WDR25: variants seen among roughly 807,000 people sequenced by gnomAD.
The protein encoded by WDR25 is WD repeat domain 25, also known as WD repeat-containing protein 25.
In WDR25, 35 loss-of-function variants were observed where a neutral mutation model predicts 47.7. That is an observed-to-expected ratio of 0.73 (90% CI 0.56 to 0.97). The LOEUF is 0.97. Among genes scored for constraint, WDR25 ranks in the 50% least tolerant of loss-of-function variants. WDR25 has a pLI of 0.00. For synonymous variants in WDR25, 248 were observed against 278.9 expected, an observed-to-expected ratio of 0.89 and a Z score of 1.10; for missense variants, 634 against 704.7, an observed-to-expected ratio of 0.90 and a Z score of 1.14.
At chr14:100,418,766 C>CG (rs148593255) in intron 2 of WDR25, among the ~76,000 whole-genome samples, 8,726 of 147,056 alleles carry the variant, frequency 0.059, 250 homozygotes, top group Middle Eastern at 0.08. Flanking sequence ...GTGGCGGTGG[C>CG]GGGGGGGGGT....
chr14:100,456,706 A>G (rs1334303887), intron 2 of WDR25, among the ~76,000 whole-genome samples: 1 of 152,232 alleles, frequency 6.6e-6, no homozygotes, highest in African/African-American at 2.4e-5. Flanking sequence ...ACAGGGAACA[A>G]AAAGCTTGGG....
chr14:100,473,018 G>A (rs542080404), intron 3 of WDR25, among the ~76,000 whole-genome samples: 1 of 152,344 alleles, frequency 6.6e-6, no homozygotes, highest in Non-Finnish European at 1.5e-5. Flanking sequence ...CTGGGACTGG[G>A]CTCATAAATG....
At chr14:100,423,283 C>T (rs1298565112) in intron 2 of WDR25, among the ~76,000 whole-genome samples, 1 of 152,056 alleles carries the variant, frequency 6.6e-6, no homozygotes, top group East Asian at 1.9e-4. Flanking sequence ...GTTATAATAG[C>T]GTGTGCATGA....
chr14:100,446,008 C>T (rs1194211295), intron 2 of WDR25, among the ~76,000 whole-genome samples: 1 of 152,170 alleles, frequency 6.6e-6, no homozygotes, highest in Non-Finnish European at 1.5e-5. Flanking sequence ...GAGGGTTCAA[C>T]CCAGGATGAC....
intron 4 of WDR25, among the ~76,000 whole-genome samples, chr14:100,512,127 G>A (rs1901330896): frequency 6.6e-6 from 1 of 152,044 alleles, no homozygotes; most frequent in Non-Finnish European, 1.5e-5. Context: ...AACAAATTGG[G>A]AAATGTTCAT....
chr14:100,382,340 G>T (rs1896924477), intron 2 of WDR25, among the ~76,000 whole-genome samples: 1 of 152,176 alleles, frequency 6.6e-6, no homozygotes, highest in Non-Finnish European at 1.5e-5. Context: ...GAAGGGGAAG[G>T]TTCGCTTGGG....
At chr14:100,446,550 CAAAA>C (rs55946078) in intron 2 of WDR25, among the ~76,000 whole-genome samples, 1 of 75,004 alleles carries the variant, frequency 1.3e-5, no homozygotes, top group Non-Finnish European at 2.4e-5. Context: ...GACTCCATCT[CAAAA>C]AAAAAAAAAA....
At position 100,392,662 on chromosome 14, in the gene WDR25, G is replaced by A. The variant is rs955201568; in HGVS notation, c.822+10916G>A. Reference sequence around the variant, plus strand: ...AACATTCTCTCCCAGCCCTGCCCGCGCCACACTGTGCCACCAGCCGCCTCT... The same window carrying A: ...AACATTCTCTCCCAGCCCTGCCCGCACCACACTGTGCCACCAGCCGCCTCT... On this transcript the variant is annotated intron_variant, in intron 2 of 6. Transcript: ENST00000402312. The surrounding 1 kb of genome is among the most constrained non-coding windows in gnomAD (Gnocchi z 4.2). Among the ~76,000 whole-genome samples, 6 of 152,054 alleles carry A rather than the reference G, an allele frequency of 3.9e-5. No individual in the cohort carries two copies. Among genetic ancestry groups the A allele is most frequent in the Non-Finnish European group, 8.8e-5 (6 of 68,032 alleles).
At chr14:100,378,679 C>T (rs534370797) in intron 1 of WDR25, among the ~76,000 whole-genome samples, 1 of 26,098 alleles carries the variant, frequency 3.8e-5, no homozygotes, top group African/African-American at 7.5e-5. Context: ...TCCAGGCAGG[C>T]CGGGCGCGGT....
chr14:100,415,291 C>T (rs780123681), intron 2 of WDR25, among the ~76,000 whole-genome samples: 6 of 152,110 alleles, frequency 3.9e-5, no homozygotes, highest in Non-Finnish European at 8.8e-5. Context: ...AGTTTTATTT[C>T]TAAACTAACC....
chr14:100,409,237 A>G (rs895890357), intron 2 of WDR25, among the ~76,000 whole-genome samples: 3 of 152,136 alleles, frequency 2.0e-5, no homozygotes, highest in Non-Finnish European at 4.4e-5. Context: ...CCAGCCTCTC[A>G]TTTTACAAGT....
At chr14:100,441,485 G>T (rs1898668657) in intron 2 of WDR25, among the ~76,000 whole-genome samples, 1 of 152,170 alleles carries the variant, frequency 6.6e-6, no homozygotes, top group Admixed American at 6.5e-5. Context: ...GCAGATGCTG[G>T]AAGTGGCAGT....
intron 4 of WDR25, among the ~76,000 whole-genome samples, chr14:100,487,281 A>C (rs1411528325): frequency 6.6e-6 from 1 of 152,214 alleles, no homozygotes; most frequent in Non-Finnish European, 1.5e-5. Flanking sequence ...TGCATTAGAC[A>C]TGTAGGAGAT....
rs1249024731 is a variant in WDR25 at position 100,529,146 on chromosome 14, G to A, written c.1351G>A (p.Ala451Thr). Reference protein sequence around the residue: ...FLAQTNGNYLALFSTVWPYRM... With the variant: ...FLAQTNGNYLTLFSTVWPYRM... ...GGCACAGACCAATGGCAACTACCTG[G>A]CCCTTTTCTCCACTGTGTGGCCCTA... The change falls in exon 6 of 7, where the codon GCC becomes ACC. Residue 451 changes from alanine to threonine, a missense_variant. Transcript: ENST00000402312. The surrounding 1 kb of genome is among the most constrained non-coding windows in gnomAD (Gnocchi z 5.1). The A allele has an allele frequency of 1.2e-6, 2 of 1,606,756 alleles. No individual in the cohort carries two copies. The highest frequency in any genetic ancestry group is 1.7e-5 in the Admixed American group (1 of 59,836).
In WDR25 at chr14:100,449,382, C is replaced by G. The variant is rs1456277611; in HGVS notation, c.823-18639C>G. 1.3e-5 allele frequency among the ~76,000 whole-genome samples: 2 copies of G among 152,238 alleles called. No homozygotes were observed. The highest frequency in any genetic ancestry group is 2.9e-5 in the Non-Finnish European group (2 of 68,042). On this transcript the variant is annotated intron_variant, in intron 2 of 6. Transcript: ENST00000402312. The surrounding 1 kb of genome is among the most constrained non-coding windows in gnomAD (Gnocchi z 4.2). ...CTTTGGGAGCAGAGACAGCCTGGCA[C>G]TGGCCTGTGGCGGTTGCCATGGCAG...
In WDR25 at chr14:100,507,656, T is replaced by G. The variant is rs1305889215; in HGVS notation, c.1102-18214T>G. 3.9e-5 allele frequency among the ~76,000 whole-genome samples: 6 copies of G among 151,952 alleles called. No homozygotes were observed. In the East Asian group the frequency reaches 7.7e-4, roughly 19 times the overall value. On this transcript the variant is annotated intron_variant, in intron 4 of 6. Coordinates refer to ENST00000402312, the MANE Select transcript of WDR25 (RefSeq NM_001161476.3). ...ATGTATTCCTAGGTATTTGTGTTTT[T>G]TTTTTTTTTTATGGCTGTTGCAAAT...
At position 100,525,352 on chromosome 14, in the gene WDR25, C is replaced by T. The variant is rs565722328; in HGVS notation, c.1102-518C>T. 2.9e-4 allele frequency among the ~76,000 whole-genome samples: 44 copies of T among 152,316 alleles called. No individual in the cohort carries two copies. The highest frequency in any genetic ancestry group is 1.1e-3 in the African/African-American group (44 of 41,564). On this transcript the variant is annotated intron_variant, in intron 4 of 6. Transcript: ENST00000402312. This position sits in a 1 kb window ranked among gnomAD's most constrained non-coding sequence, Gnocchi z 4.6. ...TATCGGTGATGATGCTAAAACAATACAAAGTGTCGTTAAAGCTAAAATATG... is the reference window on the plus strand; with the variant it reads ...TATCGGTGATGATGCTAAAACAATATAAAGTGTCGTTAAAGCTAAAATATG...
chr14:100,471,951 C>T (rs532470050), intron 3 of WDR25, among the ~76,000 whole-genome samples: 3 of 152,334 alleles, frequency 2.0e-5, no homozygotes, highest in Admixed American at 6.5e-5. Context: ...CCTCAGGGAA[C>T]GCTGGCCGAC....
rs1185893104 is a variant in WDR25 at position 100,392,931 on chromosome 14, G to A, written c.822+11185G>A. Among the ~76,000 whole-genome samples, 7 of 152,216 alleles carry A rather than the reference G, an allele frequency of 4.6e-5. No individual in the cohort carries two copies. Among genetic ancestry groups the A allele is most frequent in the Non-Finnish European group, 1.0e-4 (7 of 68,046 alleles). On this transcript the variant is annotated intron_variant, in intron 2 of 6. Transcript: ENST00000402312. This position sits in a 1 kb window ranked among gnomAD's most constrained non-coding sequence, Gnocchi z 4.2. ...TGTACATTTTCATGGGTCCAGATACGTCTCTTGTCAGATTGCTTTCCAAAA... is the reference window on the plus strand; with the variant it reads ...TGTACATTTTCATGGGTCCAGATACATCTCTTGTCAGATTGCTTTCCAAAA...
Sources: gnomAD v4.1 joint callset for allele counts (sites outside exome capture counted in the v4.1 genomes callset) on GRCh38, gnomAD v4.1.1 for gene constraint, Gnocchi (gnomAD v3.1) non-coding constraint, MANE v1.5 for transcripts, NCBI Gene and HGNC (gene_info 2026-07-23, HGNC 2026-07-21) for gene names.